CD109: variants seen among roughly 807,000 people sequenced by gnomAD.
CD109 encodes CD109 antigen.
In CD109, 149 loss-of-function variants were observed where a neutral mutation model predicts 165.8. That is an observed-to-expected ratio of 0.90 (90% CI 0.79 to 1.03). The LOEUF is 1.03. Ranked by LOEUF, CD109 falls within the 50% of genes least tolerant of loss-of-function variation. The pLI is 0.00. For synonymous variants in CD109, 585 were observed against 592.1 expected (o/e 0.99, Z 0.18); for missense variants, 1,712 against 1,677.8 (o/e 1.02, Z -0.36).
chr6:73,707,455 G>C (rs764023500), intron 2 of CD109, among the ~76,000 whole-genome samples: 1 of 152,078 alleles, frequency 6.6e-6, no homozygotes. Flanking sequence ...GGTTATGTTT[G>C]CACTACTGTT....
chr6:73,814,145 TGTTA>T (rs1281050297), intron 29 of CD109, among the ~76,000 whole-genome samples: 1 of 152,046 alleles, frequency 6.6e-6, no homozygotes, highest in African/African-American at 2.4e-5. Context: ...GGGTATTAGA[TGTTA>T]GTTCTGAGGG....
intron 2 of CD109, among the ~76,000 whole-genome samples, chr6:73,717,952 G>C (rs1324174470): frequency 6.6e-6 from 1 of 151,562 alleles, no homozygotes; most frequent in African/African-American, 2.4e-5. Flanking sequence ...TTTGTATCCT[G>C]CAACTAGACT....
chr6:73,754,178 T>C (rs1217696973), intron 5 of CD109, among the ~76,000 whole-genome samples: 1 of 152,170 alleles, frequency 6.6e-6, no homozygotes, highest in Non-Finnish European at 1.5e-5. Flanking sequence ...CAGATGGAGA[T>C]GTCTGGCAGG....
intron 7 of CD109, among the ~76,000 whole-genome samples, chr6:73,759,800 ACT>A (rs1251943378): frequency 6.6e-6 from 1 of 151,588 alleles, no homozygotes; most frequent in African/African-American, 2.4e-5. Flanking sequence ...GGTTTCGAAG[ACT>A]CTTGAATGAG....
the CD109 span, among the ~76,000 whole-genome samples, chr6:73,681,978 C>T: frequency 6.6e-6 from 1 of 152,060 alleles, no homozygotes; most frequent in Non-Finnish European, 1.5e-5. Context: ...GGAAAGATCC[C>T]CCCTGCCATG....
intron 5 of CD109, among the ~76,000 whole-genome samples, chr6:73,745,355 C>T (rs887280865): frequency 3.4e-4 from 51 of 152,148 alleles, no homozygotes; most frequent in South Asian, 1.0e-3. Context: ...TCCGCCCGCC[C>T]TGGCCTCCCA....
At chr6:73,808,345 C>A in intron 26 of CD109, 97 bp downstream of exon 26, 1 of 1,206,896 alleles carries the variant, frequency 8.3e-7, no homozygotes, top group Non-Finnish European at 1.2e-6. Context: ...ATTACATCTG[C>A]ATCTTTTGGT....
intron 14 of CD109, among the ~76,000 whole-genome samples, chr6:73,768,829 A>AT (rs1187724258): frequency 1.3e-5 from 2 of 152,184 alleles, no homozygotes; most frequent in Non-Finnish European, 2.9e-5. Flanking sequence ...TGATTGCATC[A>AT]TCTCATGTAT....
At chr6:73,766,398 G>A (rs546437629) in intron 11 of CD109, among the ~76,000 whole-genome samples, 55 of 152,154 alleles carry the variant, frequency 3.6e-4, no homozygotes, top group Admixed American at 2.0e-3. Context: ...ATATGATGGA[G>A]AATTTCCTCA....
Position 73,827,019 on chromosome 6 carries a change from G to A in CD109, c.*3386G>A, listed in dbSNP as rs546244853. 3 of 152,044 alleles carry A rather than the reference G, an allele frequency of 2.0e-5. No individual in the cohort carries two copies. In the East Asian group the frequency reaches 5.8e-4, roughly 29 times the overall value. The allele number at this position is 152,044 out of a possible 1,614,324, so 9.4% of individuals were successfully genotyped here. On this transcript the variant is annotated 3_prime_UTR_variant, in exon 33 of 33. Coordinates refer to ENST00000287097, the MANE Select transcript of CD109 (RefSeq NM_133493.5). ...ACTCAAGACATTAAGTAAAAAATTG[G>A]AACTATGATTTTTCTTTGTCATTTT...
At chr6:73,823,293 CT>C (rs570671072) in intron 32 of CD109, among the ~76,000 whole-genome samples, 164 bp from the exon 33 acceptor site, 33 of 152,302 alleles carry the variant, frequency 2.2e-4, no homozygotes, top group African/African-American at 6.5e-4. Context: ...TTGGTTAGTA[CT>C]TTGGACCACT....
intron 22 of CD109, among the ~76,000 whole-genome samples, chr6:73,788,993 C>A (rs1214987163): frequency 6.6e-6 from 1 of 152,188 alleles, no homozygotes; most frequent in African/African-American, 2.4e-5. Context: ...TTCCTAAGAG[C>A]AGAGCTTCTG....
chr6:73,717,113 C>T (rs564241312), intron 2 of CD109, among the ~76,000 whole-genome samples: 35 of 152,168 alleles, frequency 2.3e-4, no homozygotes, highest in Admixed American at 7.8e-4. Flanking sequence ...TTTCTGGCTT[C>T]TCTATTGTGT....
rs1338892285 is a variant in CD109, at chr6:73,823,615, T to G, written c.4320T>G (p.Phe1440Leu). 1.2e-6 allele frequency: 2 copies of G among 1,609,254 alleles called. No homozygotes were observed. The highest frequency in any genetic ancestry group is 4.5e-5 in the East Asian group (2 of 44,782). Residue 1440 changes from phenylalanine to leucine, a missense_variant, in exon 33 of 33, where the codon TTT becomes TTG. Phe to Leu is a conservative substitution (Grantham distance 22). Transcript: ENST00000287097. Reference sequence around the variant, plus strand: ...TTTTCTGTTTCAAGCTTCTGTACTTTATGGAACTTTGGCTGTGATTTATTT... The same window carrying G: ...TTTTCTGTTTCAAGCTTCTGTACTTGATGGAACTTTGGCTGTGATTTATTT... ...IFIFCFKLLY[F>L]MELWL
chr6:73,683,234 A>G, the CD109 span, among the ~76,000 whole-genome samples: 1 of 152,176 alleles, frequency 6.6e-6, no homozygotes, highest in Non-Finnish European at 1.5e-5. Flanking sequence ...ACAGCACCCA[A>G]GTCACCTCTT....
chr6:73,749,694 T>G lies in CD109; in HGVS notation c.634-6949T>G, dbSNP rs550948174. On this transcript the variant is annotated intron_variant, in intron 5 of 32. Transcript: ENST00000287097. ...AATGGGTCTCTCAAATTATAAAAGT[T>G]ATAGGATCATACCTTCATAATTTTC... Among the ~76,000 whole-genome samples the G allele has an allele frequency of 5.9e-5, 9 of 152,318 alleles. No individual in the cohort carries two copies. In the East Asian group the frequency reaches 1.7e-3, roughly 29 times the overall value.
chr6:73,715,591 A>G (rs939788985), intron 2 of CD109, among the ~76,000 whole-genome samples: 11 of 150,914 alleles, frequency 7.3e-5, no homozygotes, highest in Non-Finnish European at 1.6e-4. Flanking sequence ...AAAGGTATGT[A>G]TAATAAAACC....
intron 23 of CD109, among the ~76,000 whole-genome samples, chr6:73,801,501 C>T (rs1775359103): frequency 6.6e-6 from 1 of 152,158 alleles, no homozygotes; most frequent in South Asian, 2.1e-4. Flanking sequence ...TTTCTTTTAC[C>T]ATAAGTCTTA....
chr6:73,766,502 C>T (rs922632979), intron 11 of CD109, among the ~76,000 whole-genome samples: 1 of 141,988 alleles, frequency 7.0e-6, no homozygotes, highest in Non-Finnish European at 1.5e-5. Flanking sequence ...TATATATATA[C>T]ACACATATAT....
Sources: gnomAD v4.1 joint callset for allele counts (sites outside exome capture counted in the v4.1 genomes callset) on GRCh38, gnomAD v4.1.1 for gene constraint, MANE v1.5 for transcripts, NCBI Gene and HGNC (gene_info 2026-07-23, HGNC 2026-07-21) for gene names.